Variants in EXOC4 observed in about 807,000 individuals in gnomAD.
The protein encoded by EXOC4 is exocyst complex component 4.
In EXOC4, 71 loss-of-function variants were observed where a neutral mutation model predicts 107.2. The ratio of observed to expected loss-of-function variants is 0.66; its 90% CI spans 0.55 to 0.81. EXOC4 has a LOEUF of 0.81. Among genes scored for constraint, EXOC4 ranks in the 30% least tolerant of loss-of-function variants. The probability of loss-of-function intolerance (pLI) is 0.00; values close to 1 mark genes in which losing one functional copy is unlikely to be tolerated. For synonymous variants in EXOC4, 456 were observed against 441.2 expected (o/e 1.03, Z -0.42); for missense variants, 1,108 against 1,189.6 (o/e 0.93, Z 1.01).
At chr7:133,629,416 CA>C (rs1802533598) in intron 9 of EXOC4, among the ~76,000 whole-genome samples, 3 of 152,226 alleles carry the variant, frequency 2.0e-5, no homozygotes, top group South Asian at 4.1e-4. Flanking sequence ...CATTAGAGAC[CA>C]AAATTTTCAC....
chr7:133,299,726 G>T (rs541477231), intron 3 of EXOC4, among the ~76,000 whole-genome samples: 1 of 151,900 alleles, frequency 6.6e-6, no homozygotes, highest in African/African-American at 2.4e-5. Context: ...TATCTTGCAG[G>T]CCCCCCTCCC....
chr7:133,975,282 G>T (rs1483926196), intron 14 of EXOC4, among the ~76,000 whole-genome samples: 1 of 152,158 alleles, frequency 6.6e-6, no homozygotes, highest in Non-Finnish European at 1.5e-5. Flanking sequence ...TATGGGGATA[G>T]TAGGGATGGT....
chr7:133,622,066 C>G (rs924989066), intron 9 of EXOC4, among the ~76,000 whole-genome samples: 1 of 152,152 alleles, frequency 6.6e-6, no homozygotes, highest in Non-Finnish European at 1.5e-5. Context: ...CCTTGCACTC[C>G]TGGACTCAAG....
At chr7:133,750,904 C>G (rs1229870221) in intron 10 of EXOC4, among the ~76,000 whole-genome samples, 1 of 152,158 alleles carries the variant, frequency 6.6e-6, no homozygotes, top group African/African-American at 2.4e-5. Context: ...GATGGGAAAA[C>G]TTACAAAGAC....
At chr7:133,326,615 C>G (rs910912282) in intron 5 of EXOC4, among the ~76,000 whole-genome samples, 2 of 152,166 alleles carry the variant, frequency 1.3e-5, no homozygotes, top group African/African-American at 2.4e-5. Context: ...TCATTCTGCC[C>G]CTACTGGATG....
chr7:133,253,560 G>A lies in EXOC4; in HGVS notation c.86+373G>A, dbSNP rs1794943340. The A allele has an allele frequency of 4.1e-6, 4 of 986,548 alleles. No individual in the cohort carries two copies. The African/African-American group carries it at 5.2e-5, about 13-fold the overall frequency. 61.1% of individuals were successfully genotyped at this position (986,548 alleles called of 1,614,324 possible). A position where few individuals can be genotyped will look rare whatever the true frequency, so the allele number is the denominator to read the frequency against. On this transcript the variant is annotated intron_variant, in intron 1 of 17. Transcript: ENST00000253861. ...TGTAGCAGCACTCACTGAGAAAGGCGTCTTGTTTCCTGGACTTTGGGGTGT... is the reference window on the plus strand; with the variant it reads ...TGTAGCAGCACTCACTGAGAAAGGCATCTTGTTTCCTGGACTTTGGGGTGT...
intron 5 of EXOC4, among the ~76,000 whole-genome samples, chr7:133,333,551 G>A (rs1387585015): frequency 2.0e-5 from 3 of 152,050 alleles, no homozygotes; most frequent in Non-Finnish European, 4.4e-5. Flanking sequence ...TAGGAGATAT[G>A]TATGTGCATG....
chr7:133,382,469 A>C (rs1177066819), intron 7 of EXOC4, among the ~76,000 whole-genome samples: 2 of 152,156 alleles, frequency 1.3e-5, no homozygotes, highest in African/African-American at 2.4e-5. Flanking sequence ...TGGAGGGTTT[A>C]GGATGAAGAT....
At chr7:133,673,945 G>A (rs1794000623) in intron 10 of EXOC4, among the ~76,000 whole-genome samples, 1 of 152,188 alleles carries the variant, frequency 6.6e-6, no homozygotes, top group African/African-American at 2.4e-5. Flanking sequence ...GGAAGTGTTG[G>A]TACAGCACTG....
At chr7:133,348,287 G>T (rs1184702888) in intron 5 of EXOC4, among the ~76,000 whole-genome samples, 1 of 152,162 alleles carries the variant, frequency 6.6e-6, no homozygotes, top group Admixed American at 6.6e-5. Flanking sequence ...TTATGCTCTA[G>T]GAGATTTCAG....
intron 9 of EXOC4, among the ~76,000 whole-genome samples, chr7:133,595,828 A>C (rs113241580): frequency 1.3e-3 from 204 of 152,270 alleles, no homozygotes; most frequent in African/African-American, 4.8e-3. Flanking sequence ...CTACTCTTAG[A>C]GGTTTTCTAA....
At chr7:133,924,545 G>A (rs1800009526) in intron 13 of EXOC4, among the ~76,000 whole-genome samples, 1 of 152,134 alleles carries the variant, frequency 6.6e-6, no homozygotes, top group Non-Finnish European at 1.5e-5. Context: ...TTTGCTCACT[G>A]AGTTGTATCA....
chr7:133,590,779 A>G (rs1007837578), intron 9 of EXOC4, among the ~76,000 whole-genome samples: 1 of 152,098 alleles, frequency 6.6e-6, no homozygotes, highest in Non-Finnish European at 1.5e-5. Context: ...CCTTGCATCT[A>G]CCATCTTCAA....
intron 10 of EXOC4, among the ~76,000 whole-genome samples, chr7:133,779,305 AT>A (rs1033514906): frequency 1.4e-4 from 21 of 151,304 alleles, no homozygotes; most frequent in South Asian, 6.3e-4. Flanking sequence ...AAAAATGAGG[AT>A]TTTTTTTTAA....
intron 10 of EXOC4, among the ~76,000 whole-genome samples, chr7:133,747,046 T>G (rs1231585961): frequency 6.6e-6 from 1 of 152,122 alleles, no homozygotes; most frequent in Admixed American, 6.6e-5. Context: ...ATGTTAGGAA[T>G]TAGGTCCAGA....
chr7:133,344,855 C>T (rs1381421766), intron 5 of EXOC4, among the ~76,000 whole-genome samples: 1 of 152,106 alleles, frequency 6.6e-6, no homozygotes, highest in Non-Finnish European at 1.5e-5. Context: ...CCTTTGTTTG[C>T]AATAAGGCCT....
At chr7:134,023,697 A>G (rs907617331) in intron 17 of EXOC4, among the ~76,000 whole-genome samples, 9 of 152,204 alleles carry the variant, frequency 5.9e-5, no homozygotes, top group African/African-American at 2.2e-4. Flanking sequence ...GCTTATGACA[A>G]TGTAATACAT....
intron 11 of EXOC4, among the ~76,000 whole-genome samples, chr7:133,818,813 A>T (rs1797436973): frequency 6.6e-6 from 1 of 151,942 alleles, no homozygotes. Flanking sequence ...TTTCCTGGTT[A>T]TTCTCCATTC....
chr7:134,098,235 G>A, the EXOC4 span, among the ~76,000 whole-genome samples: 3 of 152,186 alleles, frequency 2.0e-5, no homozygotes, highest in South Asian at 2.1e-4. Context: ...CCGCCAGTGG[G>A]TTTGCTGGAA....
Sources: allele counts gnomAD v4.1 joint callset (sites outside exome capture counted in the v4.1 genomes callset), GRCh38; gene constraint gnomAD v4.1.1; transcripts MANE v1.5; gene names NCBI Gene and HGNC (gene_info 2026-07-23, HGNC 2026-07-21).